The following DPF3 variants were observed in gnomAD, a reference collection of about 807,000 sequenced individuals.
DPF3 encodes the protein zinc finger protein DPF3.
In DPF3, 18 loss-of-function variants were observed where a neutral mutation model predicts 56.8. That is an observed-to-expected ratio of 0.32 (90% CI 0.22 to 0.47). The LOEUF is 0.47. Ranked by LOEUF, DPF3 falls within the 20% of genes least tolerant of loss-of-function variation. The pLI is 1.00. For missense variants in DPF3, 403 were observed against 488.8 expected (o/e 0.82, Z 1.65); for synonymous variants, 188 against 180.2 (o/e 1.04, Z -0.35).
At chr14:72,876,963 G>C (rs2140119219) in intron 1 of DPF3, among the ~76,000 whole-genome samples, 1 of 152,348 alleles carries the variant, frequency 6.6e-6, no homozygotes, top group Non-Finnish European at 1.5e-5. Flanking sequence ...TCATGAGATT[G>C]AGTGGGCCCT....
chr14:72,859,682 C>G (rs1260905499), intron 1 of DPF3, among the ~76,000 whole-genome samples: 2 of 152,122 alleles, frequency 1.3e-5, no homozygotes, highest in Admixed American at 1.3e-4. Flanking sequence ...GCGAGGGTCA[C>G]AGTTCACTCA....
At chr14:72,707,350 G>C (rs578172796) in intron 6 of DPF3, among the ~76,000 whole-genome samples, 1 of 152,120 alleles carries the variant, frequency 6.6e-6, no homozygotes, top group Non-Finnish European at 1.5e-5. Flanking sequence ...CCAGTAATGG[G>C]ATGGCTGGGT....
intron 1 of DPF3, among the ~76,000 whole-genome samples, chr14:72,821,186 G>T (rs1329462825): frequency 6.6e-6 from 1 of 151,796 alleles, no homozygotes; most frequent in Non-Finnish European, 1.5e-5. Flanking sequence ...CTACTTGGGA[G>T]GCTGAGGTGG....
At chr14:72,838,150 G>A (rs550402912) in intron 1 of DPF3, among the ~76,000 whole-genome samples, 2 of 152,256 alleles carry the variant, frequency 1.3e-5, no homozygotes, top group South Asian at 4.1e-4. Flanking sequence ...CAGTCAAGTC[G>A]ACTTTCACAA....
chr14:72,687,405 T>A (rs1244497787), intron 7 of DPF3, among the ~76,000 whole-genome samples: 1 of 152,348 alleles, frequency 6.6e-6, no homozygotes, highest in Middle Eastern at 3.4e-3. Context: ...ATACAACATA[T>A]AACAATAAGA....
intron 1 of DPF3, among the ~76,000 whole-genome samples, chr14:72,849,255 A>G (rs188371297): frequency 5.3e-5 from 8 of 152,348 alleles, no homozygotes; most frequent in African/African-American, 1.9e-4. Flanking sequence ...CGCCACAGGC[A>G]CGGAGCTTCC....
intron 1 of DPF3, among the ~76,000 whole-genome samples, chr14:72,859,291 C>T (rs1437246703): frequency 6.6e-6 from 1 of 152,030 alleles, no homozygotes; most frequent in Non-Finnish European, 1.5e-5. Flanking sequence ...TTGAAATTTT[C>T]CATACTATAC....
At chr14:72,648,378 A>G (rs1271333088) in intron 8 of DPF3, among the ~76,000 whole-genome samples, 6 of 152,064 alleles carry the variant, frequency 3.9e-5, no homozygotes, top group Non-Finnish European at 7.4e-5. Context: ...CTTGGCCAAC[A>G]TGGTGAAACC....
chr14:72,645,814 A>C (rs1885707842), intron 8 of DPF3, among the ~76,000 whole-genome samples: 1 of 144,304 alleles, frequency 6.9e-6, no homozygotes, highest in Non-Finnish European at 1.5e-5. Context: ...CCAAAAAACC[A>C]CTCTTCTTTT....
intron 2 of DPF3, among the ~76,000 whole-genome samples, chr14:72,757,682 A>G (rs1364947723): frequency 6.6e-6 from 1 of 152,198 alleles, no homozygotes; most frequent in African/African-American, 2.4e-5. Context: ...TTTACATTGT[A>G]TTAGGTATTA....
chr14:72,617,488 ATTAC>A lies in DPF3; in HGVS notation c.*1805_*1808del, dbSNP rs1884153238. On this transcript the variant is annotated 3_prime_UTR_variant, in exon 11 of 11. Coordinates refer to ENST00000556509, the MANE Select transcript of DPF3 (RefSeq NM_001280542.3). The stretch of plus-strand genomic sequence containing the variant: ...CTCACCGACCAGCAGGCGGAAGGAA[ATTAC>A]TTATGAGGAAGATGAAAATTCCATC... 6.6e-6 allele frequency among the ~76,000 whole-genome samples: 1 copy of A among 152,074 alleles called. No homozygotes were observed. Among genetic ancestry groups the A allele is most frequent in the African/African-American group, 2.4e-5 (1 of 41,394 alleles).
chr14:72,737,889 G>A (rs1414752112), intron 3 of DPF3, among the ~76,000 whole-genome samples: 1 of 151,892 alleles, frequency 6.6e-6, no homozygotes. Context: ...GCTAGATCAT[G>A]AGTGCTCAAT....
At chr14:72,683,478 T>C (rs1465082804) in intron 7 of DPF3, among the ~76,000 whole-genome samples, 1 of 151,484 alleles carries the variant, frequency 6.6e-6, no homozygotes, top group Non-Finnish European at 1.5e-5. Flanking sequence ...TTAATTGGTG[T>C]GACAGTCATG....
chr14:72,613,030 GTA>G lies in DPF3; in HGVS notation c.*6265_*6266del, dbSNP rs1883851735. Among the ~76,000 whole-genome samples, 3 of 150,612 alleles carry G rather than the reference GTA, an allele frequency of 2.0e-5. No individual in the cohort carries two copies. Among genetic ancestry groups the G allele is most frequent in the Non-Finnish European group, 3.0e-5 (2 of 67,444 alleles). On this transcript the variant is annotated 3_prime_UTR_variant, in exon 11 of 11. Coordinates refer to ENST00000556509, the MANE Select transcript of DPF3 (RefSeq NM_001280542.3). ...TGTGTGTGTGTGTGTGTGTGTGTGT[GTA>G]TGTGCGTGCGTGCACGCACGCGCAT...
chr14:72,850,781 C>T (rs1362669429), intron 1 of DPF3, among the ~76,000 whole-genome samples: 1 of 151,030 alleles, frequency 6.6e-6, no homozygotes, highest in Non-Finnish European at 1.5e-5. Context: ...GACCTAAATA[C>T]TGGTGGGGCG....
At chr14:72,836,517 T>C in intron 1 of DPF3, 2 of 985,402 alleles carry the variant, frequency 2.0e-6, no homozygotes, top group Non-Finnish European at 2.4e-6. Flanking sequence ...GACCACCTCG[T>C]GGGGAGATTA....
chr14:72,663,943 CA>C (rs1886335019), intron 8 of DPF3, among the ~76,000 whole-genome samples: 1 of 152,058 alleles, frequency 6.6e-6, no homozygotes, highest in Non-Finnish European at 1.5e-5. Flanking sequence ...TCCATTCATC[CA>C]ACTTTCCTCC....
chr14:72,675,226 T>C (rs1324840028), intron 7 of DPF3, among the ~76,000 whole-genome samples: 3 of 152,206 alleles, frequency 2.0e-5, no homozygotes, highest in Admixed American at 1.3e-4. Context: ...GTGAGGAGAA[T>C]AGCACCTGTC....
At chr14:72,826,855 AG>A (rs1284915713) in intron 1 of DPF3, among the ~76,000 whole-genome samples, 2 of 152,128 alleles carry the variant, frequency 1.3e-5, no homozygotes, top group Admixed American at 1.3e-4. Flanking sequence ...ATCCTGGCAA[AG>A]ATGGTGAAAC....
Sources: gnomAD v4.1 joint callset for allele counts (sites outside exome capture counted in the v4.1 genomes callset) on GRCh38, gnomAD v4.1.1 for gene constraint, MANE v1.5 for transcripts, NCBI Gene and HGNC (gene_info 2026-07-23, HGNC 2026-07-21) for gene names.